ATXN1: variants seen among roughly 807,000 people sequenced by gnomAD.
ATXN1 encodes ataxin 1, also known as ataxin-1.
A neutral mutation model predicts 56.4 loss-of-function variants in ATXN1; 8 were observed. The ratio of observed to expected loss-of-function variants is 0.14; its 90% confidence interval spans 0.08 to 0.26. The LOEUF (loss-of-function observed/expected upper bound fraction) is 0.26. ATXN1 is among the 10% of genes least tolerant of loss of function. ATXN1 has a pLI of 1.00. For synonymous variants in ATXN1, 514 were observed against 494.6 expected, an observed-to-expected ratio of 1.04 and a Z score of -0.52; for missense variants, 987 against 1,106.5, an observed-to-expected ratio of 0.89 and a Z score of 1.53.
intron 6 of ATXN1, among the ~76,000 whole-genome samples, chr6:16,472,529 A>G (rs1378711602): frequency 1.3e-5 from 2 of 152,234 alleles, no homozygotes; most frequent in Admixed American, 6.5e-5. Context: ...ATTCCAAAAC[A>G]TGCCATGTTT....
chr6:16,589,038 G>C (rs1762677117), intron 3 of ATXN1, among the ~76,000 whole-genome samples: 1 of 151,910 alleles, frequency 6.6e-6, no homozygotes, highest in Non-Finnish European at 1.5e-5. Flanking sequence ...ACCCCATCTT[G>C]TTTCCCTCAT....
chr6:16,551,234 C>T (rs965957989), intron 4 of ATXN1, among the ~76,000 whole-genome samples: 1 of 152,186 alleles, frequency 6.6e-6, no homozygotes, highest in Non-Finnish European at 1.5e-5. Context: ...TCTAGACGGG[C>T]TCCCATATCC....
intron 6 of ATXN1, among the ~76,000 whole-genome samples, chr6:16,407,823 T>C (rs1758716179): frequency 6.6e-6 from 1 of 152,172 alleles, no homozygotes; most frequent in Admixed American, 6.5e-5. Flanking sequence ...TGGATGGATG[T>C]TCTGTTTGTG....
chr6:16,482,061 C>T (rs1361052777), intron 6 of ATXN1, among the ~76,000 whole-genome samples: 1 of 151,824 alleles, frequency 6.6e-6, no homozygotes, highest in Non-Finnish European at 1.5e-5. Context: ...TCTTTATACA[C>T]ATCAAGTATC....
At chr6:16,639,413 A>T (rs1763664210) in intron 3 of ATXN1, among the ~76,000 whole-genome samples, 1 of 152,204 alleles carries the variant, frequency 6.6e-6, no homozygotes, top group Non-Finnish European at 1.5e-5. Flanking sequence ...TCCTAGGTTC[A>T]AGCGATTCTC....
intron 6 of ATXN1, among the ~76,000 whole-genome samples, chr6:16,440,862 G>C (rs1172934317): frequency 6.6e-6 from 1 of 152,062 alleles, no homozygotes; most frequent in Non-Finnish European, 1.5e-5. Context: ...TTACTGTGTA[G>C]TCCATAAACC....
At chr6:16,364,310 A>AT (rs770764085) in intron 6 of ATXN1, among the ~76,000 whole-genome samples, 544 of 149,172 alleles carry the variant, frequency 3.6e-3, no homozygotes, top group East Asian at 0.017. Flanking sequence ...GAGGTTCTAG[A>AT]TTTTTTTTTT....
At chr6:16,658,443 TTG>T (rs1758252273) in intron 2 of ATXN1, among the ~76,000 whole-genome samples, 1 of 105,502 alleles carries the variant, frequency 9.5e-6, no homozygotes, top group South Asian at 3.3e-4. Context: ...TGGGTTTCCC[TTG>T]TGTGATTCTT....
chr6:16,416,091 CA>C (rs372133593), intron 6 of ATXN1, among the ~76,000 whole-genome samples: 10,031 of 110,468 alleles, frequency 0.091, 363 homozygotes, highest in Middle Eastern at 0.13. Context: ...ACCAAGCTTT[CA>C]AAAAAAAAAA....
intron 3 of ATXN1, among the ~76,000 whole-genome samples, chr6:16,654,966 T>C (rs538452222): frequency 2.6e-5 from 4 of 152,198 alleles, no homozygotes; most frequent in Admixed American, 6.5e-5. Flanking sequence ...AATGCATCAC[T>C]TGAAGGCAGA....
intron 6 of ATXN1, among the ~76,000 whole-genome samples, chr6:16,480,737 G>C (rs555554254): frequency 6.6e-6 from 1 of 152,272 alleles, no homozygotes; most frequent in South Asian, 2.1e-4. Context: ...TCACCCCATA[G>C]AACACAAATG....
At chr6:16,643,602 C>T (rs963516432) in intron 3 of ATXN1, among the ~76,000 whole-genome samples, 35 of 130,352 alleles carry the variant, frequency 2.7e-4, no homozygotes, top group Non-Finnish European at 4.8e-4. Context: ...GCACTCCAGC[C>T]TGGGAGACAA....
intron 5 of ATXN1, among the ~76,000 whole-genome samples, chr6:16,496,303 A>C (rs1436100533): frequency 6.6e-6 from 1 of 152,258 alleles, no homozygotes. Flanking sequence ...CAGAAATGCC[A>C]CTTGGCATTA....
intron 6 of ATXN1, among the ~76,000 whole-genome samples, chr6:16,370,754 C>CATTGT (rs200811765): frequency 6.6e-5 from 10 of 152,206 alleles, no homozygotes; most frequent in Middle Eastern, 3.4e-3. Context: ...TTTCACTTAA[C>CATTGT]ATTGTATTGT....
intron 6 of ATXN1, among the ~76,000 whole-genome samples, chr6:16,353,838 T>A (rs1177470858): frequency 6.6e-6 from 1 of 152,202 alleles, no homozygotes; most frequent in Admixed American, 6.5e-5. Context: ...GAGGGTCCCC[T>A]GAGTCGATAA....
intron 4 of ATXN1, among the ~76,000 whole-genome samples, chr6:16,530,658 C>T (rs543876503): frequency 5.7e-4 from 87 of 152,238 alleles, no homozygotes; most frequent in Non-Finnish European, 9.6e-4. Context: ...GGTTACTAGG[C>T]TTAGTACCTG....
In ATXN1 at chr6:16,303,371, G is replaced by C. The variant is rs1760160813; in HGVS notation, c.*2958C>G. ...CGCACGGGGCTCCTGAAGGCTCCCC[G>C]CCCCAGCACTCAGCATCCGCAGCAG... is the stretch of plus-strand genomic sequence containing the variant. On this transcript the variant is annotated 3_prime_UTR_variant, in exon 8 of 8. Coordinates refer to ENST00000436367, the MANE Select transcript of ATXN1 (RefSeq NM_001128164.2). The surrounding 1 kb of genome is among the most constrained non-coding windows in gnomAD (Gnocchi z 4.3). The C allele has an allele frequency of 1.3e-5, 2 of 150,360 alleles. No individual in the cohort carries two copies. The highest frequency in any genetic ancestry group is 4.2e-4 in the South Asian group (2 of 4,742). 9.3% of individuals were successfully genotyped at this position (150,360 alleles called of 1,614,324 possible).
chr6:16,676,676 A>G (rs1561804216), intron 2 of ATXN1, among the ~76,000 whole-genome samples: 1 of 152,192 alleles, frequency 6.6e-6, no homozygotes, highest in Non-Finnish European at 1.5e-5. Context: ...AAAAGAATAT[A>G]AAATTGGGTT....
rs577834034 is a variant in ATXN1, at chr6:16,322,816, G to A, written c.1917+3578C>T. On this transcript the variant is annotated intron_variant, in intron 7 of 7. Transcript: ENST00000436367. ...ACTTGTGGCAAACACAGCTGGTGGA[G>A]TATTTTAGCTGTGATGATGTCAGCC... 5.9e-4 allele frequency among the ~76,000 whole-genome samples: 90 copies of A among 152,340 alleles called. 2 individuals are homozygous for A. Among genetic ancestry groups the A allele is most frequent in the African/African-American group, 2.1e-3 (88 of 41,570 alleles).
Sources: allele counts gnomAD v4.1 joint callset (sites outside exome capture counted in the v4.1 genomes callset), GRCh38; gene constraint gnomAD v4.1.1; non-coding constraint Gnocchi (gnomAD v3.1); transcripts MANE v1.5; gene names NCBI Gene and HGNC (gene_info 2026-07-23, HGNC 2026-07-21).